The following BASP1 variants were observed in gnomAD, a reference collection of about 807,000 sequenced individuals.
BASP1 encodes the protein brain abundant membrane attached signal protein 1, also known as brain acid soluble protein 1.
A neutral mutation model predicts 2.2 loss-of-function variants in BASP1; 1 was observed. That is an observed-to-expected ratio of 0.46 (90% CI 0.16 to 2.17). The LOEUF (loss-of-function observed/expected upper bound fraction) is 2.17. Among genes scored for constraint, BASP1 ranks in the 30% most tolerant of loss-of-function variants. BASP1 has a pLI of 0.27. For missense variants in BASP1, 352 were observed against 327.2 expected, an observed-to-expected ratio of 1.08 and a Z score of -0.58; for synonymous variants, 187 against 154.2, an observed-to-expected ratio of 1.21 and a Z score of -1.58.
At chr5:17,225,346 C>CA (rs768240522) in intron 1 of BASP1, among the ~76,000 whole-genome samples, 14 of 151,990 alleles carry the variant, frequency 9.2e-5, no homozygotes, top group Non-Finnish European at 1.8e-4. Context: ...CCTTTTAATA[C>CA]ACCACACATG....
intron 1 of BASP1, among the ~76,000 whole-genome samples, chr5:17,244,808 C>T (rs1739944551): frequency 6.6e-6 from 1 of 150,748 alleles, no homozygotes; most frequent in Admixed American, 6.6e-5. Context: ...TCTCCTGCCT[C>T]AGCCTCCTGA....
rs1740646089 is a variant in BASP1, at chr5:17,275,925, A to G, written c.*25A>G. ...ACAAGGACAGCCTATAGGAAAAACA[A>G]TACCACTTAAAACAATCTCCTCTCT... On this transcript the variant is annotated 3_prime_UTR_variant, in exon 2 of 2. Transcript: ENST00000322611. The surrounding 1 kb of genome is among the most constrained non-coding windows in gnomAD (Gnocchi z 5.3). 7.9e-6 allele frequency: 12 copies of G among 1,522,320 alleles called. No individual in the cohort carries two copies. The highest frequency in any genetic ancestry group is 7.0e-6 in the Non-Finnish European group (8 of 1,135,528). 94.3% of individuals were successfully genotyped at this position (1,522,320 alleles called of 1,614,324 possible). A position where few individuals can be genotyped will look rare whatever the true frequency, so the allele number is the denominator to read the frequency against.
chr5:17,239,614 T>G (rs1235164799), intron 1 of BASP1, among the ~76,000 whole-genome samples: 1 of 152,206 alleles, frequency 6.6e-6, no homozygotes, highest in East Asian at 1.9e-4. Flanking sequence ...AGGCTGTCAA[T>G]CTTGTAATAC....
chr5:17,261,956 C>T (rs917227068), intron 1 of BASP1, among the ~76,000 whole-genome samples: 1 of 152,144 alleles, frequency 6.6e-6, no homozygotes, highest in African/African-American at 2.4e-5. Flanking sequence ...CTCTAGGGTC[C>T]GTTGTTGACA....
chr5:17,245,045 T>C (rs1477077283), intron 1 of BASP1, among the ~76,000 whole-genome samples: 1 of 149,012 alleles, frequency 6.7e-6, no homozygotes, highest in Non-Finnish European at 1.5e-5. Context: ...GGCTCACGCC[T>C]GTAATCCCAG....
intron 1 of BASP1, among the ~76,000 whole-genome samples, chr5:17,266,137 T>C (rs1013027820): frequency 1.3e-5 from 2 of 152,206 alleles, no homozygotes; most frequent in Non-Finnish European, 2.9e-5. Context: ...AATGGAGGTA[T>C]GATTTAAATC....
intron 1 of BASP1, among the ~76,000 whole-genome samples, chr5:17,272,534 C>T (rs1740550578): frequency 6.6e-6 from 1 of 152,064 alleles, no homozygotes; most frequent in South Asian, 2.1e-4. Context: ...GTGCTTGATA[C>T]CTAGGAAACA....
chr5:17,246,525 C>T (rs555721744), intron 1 of BASP1, among the ~76,000 whole-genome samples: 1 of 152,118 alleles, frequency 6.6e-6, no homozygotes, highest in South Asian at 2.1e-4. Context: ...GGTGGAGACT[C>T]TAGACTGCAG....
chr5:17,238,892 A>G (rs558497127), intron 1 of BASP1, among the ~76,000 whole-genome samples: 2 of 152,254 alleles, frequency 1.3e-5, no homozygotes, highest in South Asian at 4.1e-4. Flanking sequence ...GTAAATTTTA[A>G]TATCTTTCCC....
rs898406284 is a variant in BASP1, at chr5:17,276,549, T to A, written c.*649T>A. 3 of 165,912 alleles carry A rather than the reference T, an allele frequency of 1.8e-5. No homozygotes were observed. The highest frequency in any genetic ancestry group is 7.3e-5 in the African/African-American group (3 of 41,134). 10.3% of individuals were successfully genotyped at this position (165,912 alleles called of 1,614,324 possible). A position where few individuals can be genotyped will look rare whatever the true frequency, so the allele number is the denominator to read the frequency against. The stretch of plus-strand genomic sequence containing the variant: ...GTGACAAACATTCTCTCATCCTACT[T>A]AGCCTACCTAGATTTCTCATGACGA... On this transcript the variant is annotated 3_prime_UTR_variant, in exon 2 of 2. Coordinates refer to ENST00000322611, the MANE Select transcript of BASP1 (RefSeq NM_006317.5).
At chr5:17,237,629 T>C (rs1739777138) in intron 1 of BASP1, among the ~76,000 whole-genome samples, 1 of 151,370 alleles carries the variant, frequency 6.6e-6, no homozygotes. Flanking sequence ...TGCTTTTTTT[T>C]TTTTTTTTCC....
intron 1 of BASP1, among the ~76,000 whole-genome samples, chr5:17,254,090 A>G (rs138922558): frequency 9.9e-5 from 15 of 152,236 alleles, no homozygotes; most frequent in African/African-American, 3.4e-4. Context: ...CTTTAAGGGA[A>G]AAAATATATA....
intron 1 of BASP1, among the ~76,000 whole-genome samples, chr5:17,249,941 T>G (rs1016324910): frequency 6.6e-6 from 1 of 152,132 alleles, no homozygotes; most frequent in Non-Finnish European, 1.5e-5. Flanking sequence ...GATTTTAATT[T>G]TTTTTTCTTC....
intron 1 of BASP1, among the ~76,000 whole-genome samples, chr5:17,256,241 G>A (rs1740207716): frequency 6.6e-6 from 1 of 152,192 alleles, no homozygotes; most frequent in Non-Finnish European, 1.5e-5. Context: ...AACTCTTGTG[G>A]AATAGATTGA....
chr5:17,267,562 A>C, intron 1 of BASP1, among the ~76,000 whole-genome samples: 1 of 149,456 alleles, frequency 6.7e-6, no homozygotes. Context: ...ACCAGGCCCC[A>C]GGCTGGAGTG....
At chr5:17,259,613 C>CA (rs1019945927) in intron 1 of BASP1, among the ~76,000 whole-genome samples, 5 of 151,244 alleles carry the variant, frequency 3.3e-5, no homozygotes, top group South Asian at 2.1e-4. Flanking sequence ...CTGTTGGTGC[C>CA]AAAAAAAATT....
At position 17,260,861 on chromosome 5, in the gene BASP1, C is replaced by T. The variant is rs763409457; in HGVS notation, c.-9-14347C>T. 4.6e-5 allele frequency among the ~76,000 whole-genome samples: 7 copies of T among 152,272 alleles called. No individual in the cohort carries two copies. The highest frequency in any genetic ancestry group is 6.5e-5 in the Admixed American group (1 of 15,292). On this transcript the variant is annotated intron_variant, in intron 1 of 1. Transcript: ENST00000322611. This position sits in a 1 kb window ranked among gnomAD's most constrained non-coding sequence, Gnocchi z 4.2. ...CCTATTTTACTGCTAAAACTTTGAA[C>T]GCAATCCAACAATATAAAAGGGTTA...
chr5:17,243,086 T>C (rs554590748), intron 1 of BASP1, among the ~76,000 whole-genome samples: 1 of 152,114 alleles, frequency 6.6e-6, no homozygotes, highest in Non-Finnish European at 1.5e-5. Flanking sequence ...CCCCAGCAAG[T>C]TGACATGCTA....
chr5:17,226,012 GT>G (rs759734843), intron 1 of BASP1, among the ~76,000 whole-genome samples: 12 of 152,312 alleles, frequency 7.9e-5, no homozygotes, highest in Admixed American at 1.3e-4. Flanking sequence ...GTGCATTTGT[GT>G]TTGGATAATC....
Sources: allele counts gnomAD v4.1 joint callset (sites outside exome capture counted in the v4.1 genomes callset), GRCh38; gene constraint gnomAD v4.1.1; non-coding constraint Gnocchi (gnomAD v3.1); transcripts MANE v1.5; gene names NCBI Gene and HGNC (gene_info 2026-07-23, HGNC 2026-07-21).